FAF1: variants seen among roughly 807,000 people sequenced by gnomAD.
FAF1 encodes the protein Fas associated factor 1.
In FAF1, 25 loss-of-function variants were observed where a neutral mutation model predicts 92.5. That is an observed-to-expected ratio of 0.27 (90% confidence interval 0.20 to 0.38). The LOEUF is 0.38. Ranked by LOEUF, FAF1 falls within the 10% of genes least tolerant of loss-of-function variation. The probability of loss-of-function intolerance (pLI) is 1.00; values close to 1 mark genes in which losing one functional copy is unlikely to be tolerated. For missense variants in FAF1, 636 were observed against 793.3 expected (o/e 0.80, Z 2.38); for synonymous variants, 234 against 273.2 (o/e 0.86, Z 1.42).
intron 1 of FAF1, among the ~76,000 whole-genome samples, chr1:50,948,870 G>A (rs1312994352): frequency 6.6e-6 from 1 of 152,090 alleles, no homozygotes; most frequent in Non-Finnish European, 1.5e-5. Flanking sequence ...AACTGAGCAA[G>A]AATTCACTCA....
chr1:50,502,185 C>A (rs1646999596), intron 15 of FAF1, among the ~76,000 whole-genome samples: 1 of 152,102 alleles, frequency 6.6e-6, no homozygotes, highest in African/African-American at 2.4e-5. Flanking sequence ...GAACTGAGTT[C>A]TCTAATAAAG....
intron 8 of FAF1, among the ~76,000 whole-genome samples, chr1:50,638,368 C>T (rs1306486543): frequency 5.9e-5 from 9 of 152,156 alleles, no homozygotes; most frequent in African/African-American, 2.2e-4. Flanking sequence ...AGTGAACATC[C>T]TTACATCATT....
intron 2 of FAF1, among the ~76,000 whole-genome samples, chr1:50,843,430 A>C (rs983899942): frequency 6.6e-6 from 1 of 152,158 alleles, no homozygotes; most frequent in Admixed American, 6.5e-5. Context: ...AAAAATATAC[A>C]ATAAATTATT....
At chr1:50,523,767 C>T (rs549872257) in intron 15 of FAF1, among the ~76,000 whole-genome samples, 7 of 152,022 alleles carry the variant, frequency 4.6e-5, no homozygotes, top group Admixed American at 1.3e-4. Flanking sequence ...GTATATATAC[C>T]ACATTTTCTT....
intron 1 of FAF1, among the ~76,000 whole-genome samples, chr1:50,890,494 T>C (rs1418630715): frequency 1.3e-5 from 2 of 152,238 alleles, no homozygotes; most frequent in African/African-American, 4.8e-5. Flanking sequence ...TTGCAGTGGC[T>C]GGTACCAGTT....
chr1:50,768,309 A>G (rs887771181), intron 4 of FAF1, among the ~76,000 whole-genome samples: 1 of 152,174 alleles, frequency 6.6e-6, no homozygotes, highest in African/African-American at 2.4e-5. Flanking sequence ...GTTCTTAGAG[A>G]TCTACAAAGA....
chr1:50,882,600 TTAAATAAATAAATAAATAAATAAA>T (rs60244087), intron 1 of FAF1, among the ~76,000 whole-genome samples: 2 of 140,470 alleles, frequency 1.4e-5, no homozygotes, highest in African/African-American at 5.3e-5. Flanking sequence ...AGACTCTGTC[TTAAATAAATAAATAAATAAATAAA>T]TAAATAAATA....
At chr1:50,895,735 A>G (rs1209616316) in intron 1 of FAF1, among the ~76,000 whole-genome samples, 2 of 152,234 alleles carry the variant, frequency 1.3e-5, no homozygotes, top group African/African-American at 4.8e-5. Flanking sequence ...GGGTGGTTCA[A>G]TATACACAAA....
chr1:50,786,272 GT>G (rs1411345208), intron 4 of FAF1, among the ~76,000 whole-genome samples: 2 of 152,172 alleles, frequency 1.3e-5, no homozygotes, highest in Admixed American at 1.3e-4. Flanking sequence ...ATATTATTCA[GT>G]TTTTAAGAAG....
At chr1:50,858,409 G>A (rs774327411) in intron 1 of FAF1, among the ~76,000 whole-genome samples, 2 of 151,548 alleles carry the variant, frequency 1.3e-5, no homozygotes, top group African/African-American at 4.8e-5. Context: ...AACTAAAATC[G>A]AAAACTATAA....
In FAF1 at chr1:50,607,704, C is replaced by T. The variant is rs1652491517; in HGVS notation, c.745-11488G>A. On this transcript the variant is annotated intron_variant, in intron 8 of 18. Transcript: ENST00000396153. ...TCTTTCTGAAAGCCTTCTATATGACCTCCCCAATTTCACATTTTTCTGTCT... is the reference window on the plus strand; with the variant it reads ...TCTTTCTGAAAGCCTTCTATATGACTTCCCCAATTTCACATTTTTCTGTCT... Among the ~76,000 whole-genome samples, 4 of 152,172 alleles carry T rather than the reference C, an allele frequency of 2.6e-5. No homozygotes were observed. The South Asian group carries it at 6.2e-4, about 24-fold the overall frequency.
chr1:50,836,170 G>GTTTT lies in FAF1; in HGVS notation c.114+21755_114+21758dup, dbSNP rs36053491. ...GTGTGTGTTTTTGTTTTTTGTTTCT[G>GTTTT]TTTTTTTTTTTTTTTTTTTAGACAG... On this transcript the variant is annotated intron_variant, in intron 2 of 18. Transcript: ENST00000396153. Among the ~76,000 whole-genome samples, 87 of 98,512 alleles carry GTTTT rather than the reference G, an allele frequency of 8.8e-4. 5 individuals are homozygous for GTTTT. Among genetic ancestry groups the GTTTT allele is most frequent in the African/African-American group, 2.9e-3 (67 of 23,464 alleles). The allele number at this position is 98,512 out of a possible 152,430, so 64.6% of individuals were successfully genotyped here. A position where few individuals can be genotyped will look rare whatever the true frequency, so the allele number is the denominator to read the frequency against.
intron 1 of FAF1, among the ~76,000 whole-genome samples, chr1:50,905,689 A>C (rs1557583375): frequency 6.6e-6 from 1 of 152,194 alleles, no homozygotes; most frequent in Non-Finnish European, 1.5e-5. Context: ...TCTTTTGAGA[A>C]GTGTCTGTTA....
intron 12 of FAF1, among the ~76,000 whole-genome samples, chr1:50,578,010 G>T (rs990873289): frequency 2.0e-5 from 3 of 152,196 alleles, no homozygotes; most frequent in African/African-American, 7.2e-5. Flanking sequence ...ATGTGGCATC[G>T]TGAGAAACAC....
At chr1:50,675,764 C>T (rs1281005656) in intron 7 of FAF1, among the ~76,000 whole-genome samples, 1 of 152,180 alleles carries the variant, frequency 6.6e-6, no homozygotes, top group African/African-American at 2.4e-5. Context: ...TAAAGGAACA[C>T]ACAGTCCTCT....
At chr1:50,928,774 C>G (rs1243943644) in intron 1 of FAF1, among the ~76,000 whole-genome samples, 1 of 108,864 alleles carries the variant, frequency 9.2e-6, no homozygotes, top group African/African-American at 3.4e-5. Flanking sequence ...CAGTGCGAGA[C>G]TCCACCTCAA....
At chr1:50,539,401 G>A (rs140040903) in intron 14 of FAF1, among the ~76,000 whole-genome samples, 191 bp downstream of exon 14, 6 of 152,220 alleles carry the variant, frequency 3.9e-5, no homozygotes, top group African/African-American at 1.2e-4. Flanking sequence ...TTATTAAGAT[G>A]TTTCTTTTAG....
chr1:50,932,783 G>A (rs573180541), intron 1 of FAF1, among the ~76,000 whole-genome samples: 22 of 152,220 alleles, frequency 1.4e-4, no homozygotes, highest in Non-Finnish European at 2.5e-4. Context: ...GGTTCTCCAC[G>A]AGAGCCCCAC....
intron 1 of FAF1, among the ~76,000 whole-genome samples, chr1:50,877,336 T>G (rs1644579058): frequency 6.6e-6 from 1 of 152,200 alleles, no homozygotes; most frequent in South Asian, 2.1e-4. Flanking sequence ...TCCCTACTGA[T>G]GTACACTTTA....
Sources: gnomAD v4.1 joint callset for allele counts (sites outside exome capture counted in the v4.1 genomes callset) on GRCh38, gnomAD v4.1.1 for gene constraint, MANE v1.5 for transcripts, NCBI Gene and HGNC (gene_info 2026-07-23, HGNC 2026-07-21) for gene names.